Variants in GRIN2B observed in about 807,000 individuals in gnomAD.
The protein encoded by GRIN2B is glutamate receptor ionotropic, NMDA 2B.
In GRIN2B, 5 loss-of-function variants were observed where a neutral mutation model predicts 114.5. The observed-to-expected ratio is 0.04, with a 90% CI of 0.02 to 0.09. The LOEUF (loss-of-function observed/expected upper bound fraction) is 0.09. GRIN2B is among the 10% of genes least tolerant of loss of function. GRIN2B has a pLI of 1.00. For synonymous variants in GRIN2B, 787 were observed against 745.1 expected, an observed-to-expected ratio of 1.06 and a Z score of -0.92; for missense variants, 1,108 against 1,943.5, an observed-to-expected ratio of 0.57 and a Z score of 8.08.
At chr12:13,831,092 CCTTCCTG>C (rs1173178886) in intron 3 of GRIN2B, among the ~76,000 whole-genome samples, 1 of 152,146 alleles carries the variant, frequency 6.6e-6, no homozygotes, top group Non-Finnish European at 1.5e-5. Context: ...GAGTCTTGCA[CCTTCCTG>C]CTTCCGCTCT....
At chr12:13,854,761 A>G (rs992599510) in intron 3 of GRIN2B, among the ~76,000 whole-genome samples, 3 of 152,154 alleles carry the variant, frequency 2.0e-5, no homozygotes, top group African/African-American at 2.4e-5. Flanking sequence ...AGGTGAGTTC[A>G]AGATCATACT....
chr12:13,670,329 C>T (rs192822928), intron 5 of GRIN2B: 1 of 152,198 alleles, frequency 6.6e-6, no homozygotes, highest in East Asian at 1.9e-4. Flanking sequence ...TTATAAAACA[C>T]CCTCTTGTCT....
chr12:13,814,693 G>T (rs529719584), intron 3 of GRIN2B, among the ~76,000 whole-genome samples: 30 of 152,308 alleles, frequency 2.0e-4, no homozygotes, highest in African/African-American at 6.7e-4. Context: ...TTTTACATCT[G>T]TGCTGTCCAA....
chr12:13,584,602 T>C (rs920185652), intron 10 of GRIN2B, among the ~76,000 whole-genome samples: 1 of 152,250 alleles, frequency 6.6e-6, no homozygotes, highest in African/African-American at 2.4e-5. Flanking sequence ...GGAGTTAATG[T>C]GTCCTAATGC....
At chr12:13,691,465 G>A (rs1950214598) in intron 4 of GRIN2B, among the ~76,000 whole-genome samples, 1 of 152,150 alleles carries the variant, frequency 6.6e-6, no homozygotes, top group African/African-American at 2.4e-5. Flanking sequence ...AAGTTAATTT[G>A]ATTACCACTT....
intron 4 of GRIN2B, among the ~76,000 whole-genome samples, chr12:13,679,043 G>T (rs1950104046): frequency 6.6e-6 from 1 of 151,774 alleles, no homozygotes; most frequent in African/African-American, 2.4e-5. Flanking sequence ...AGGAAGGAAA[G>T]AAAGAGAGGA....
intron 4 of GRIN2B, among the ~76,000 whole-genome samples, chr12:13,703,634 T>C (rs1296412089): frequency 6.6e-6 from 1 of 152,192 alleles, no homozygotes; most frequent in South Asian, 2.1e-4. Context: ...ATTCATAATC[T>C]TTCATTGAAT....
rs538368236 is a variant in GRIN2B at position 13,764,393 on chromosome 12, C to T, written c.412-10478G>A. Among the ~76,000 whole-genome samples, 14 of 152,238 alleles carry T rather than the reference C, an allele frequency of 9.2e-5. No individual in the cohort carries two copies. The East Asian group carries it at 2.1e-3, about 23-fold the overall frequency. On this transcript the variant is annotated intron_variant, in intron 3 of 13. Transcript: ENST00000609686. Reference sequence around the variant, plus strand: ...CTGTGACCTCTTCCTTCTTTGCCTCCATTTTTACACAGTCCTAATTCCACA... The same window carrying T: ...CTGTGACCTCTTCCTTCTTTGCCTCTATTTTTACACAGTCCTAATTCCACA...
chr12:13,905,422 C>T (rs577294504), intron 2 of GRIN2B, among the ~76,000 whole-genome samples: 40 of 152,258 alleles, frequency 2.6e-4, no homozygotes, highest in Admixed American at 1.1e-3. Context: ...ATACTTTTTG[C>T]GCTTTCCTGG....
intron 2 of GRIN2B, among the ~76,000 whole-genome samples, chr12:13,898,911 AAATAAT>A (rs995762276): frequency 3.3e-5 from 5 of 152,224 alleles, no homozygotes; most frequent in African/African-American, 9.7e-5. Context: ...TCCGTCTCAA[AAATAAT>A]AATAATAGCA....
Position 13,549,780 on chromosome 12 carries a change from G to A in GRIN2B, c.*13003C>T, listed in dbSNP as rs1156565791. 1 of 152,056 alleles carries A rather than the reference G, an allele frequency of 6.6e-6. No individual in the cohort carries two copies. Among genetic ancestry groups the A allele is most frequent in the Non-Finnish European group, 1.5e-5 (1 of 67,996 alleles). The allele number at this position is 152,056 out of a possible 1,614,324, so 9.4% of individuals were successfully genotyped here. On this transcript the variant is annotated 3_prime_UTR_variant, in exon 14 of 14. Coordinates refer to ENST00000609686, the MANE Select transcript of GRIN2B (RefSeq NM_000834.5). ...TATTTGACCAAGTTTTCTTCACCGTGGAAACCTCTCTAACCTTTCTGATTT... is the reference window on the plus strand; with the variant it reads ...TATTTGACCAAGTTTTCTTCACCGTAGAAACCTCTCTAACCTTTCTGATTT...
At chr12:13,912,975 G>A (rs1197938252) in intron 2 of GRIN2B, among the ~76,000 whole-genome samples, 3 of 152,038 alleles carry the variant, frequency 2.0e-5, no homozygotes, top group African/African-American at 7.2e-5. Context: ...CAGTGGGTTT[G>A]GTAACTCCTC....
chr12:13,911,582 C>G (rs1866628178), intron 2 of GRIN2B, among the ~76,000 whole-genome samples: 2 of 152,156 alleles, frequency 1.3e-5, no homozygotes, highest in Admixed American at 6.5e-5. Context: ...CTGGTGGGTC[C>G]CTTTTCTTCT....
chr12:13,538,812 TAAAAAACAAACAAACAAAA>T lies in GRIN2B; in HGVS notation c.*23952_*23970del, dbSNP rs1948241711. ...CCTGGATGACAGAGCAAGACCCTCTTAAAAAACAAACAAACAAAAAAAAAACAAACAAAAAAACAAAAAC... is the reference window on the plus strand; with the variant it reads ...CCTGGATGACAGAGCAAGACCCTCTTAAAAAACAAACAAAAAAACAAAAAC... On this transcript the variant is annotated 3_prime_UTR_variant, in exon 14 of 14. Coordinates refer to ENST00000609686, the MANE Select transcript of GRIN2B (RefSeq NM_000834.5). 2 of 142,116 alleles carry T rather than the reference TAAAAAACAAACAAACAAAA, an allele frequency of 1.4e-5. No homozygotes were observed. Among genetic ancestry groups the T allele is most frequent in the African/African-American group, 2.6e-5 (1 of 38,788 alleles). The allele number at this position is 142,116 out of a possible 1,614,324, so 8.8% of individuals were successfully genotyped here. A position where few individuals can be genotyped will look rare whatever the true frequency, so the allele number is the denominator to read the frequency against.
At chr12:13,597,649 C>T (rs910521861) in intron 10 of GRIN2B, among the ~76,000 whole-genome samples, 1 of 152,200 alleles carries the variant, frequency 6.6e-6, no homozygotes, top group Admixed American at 6.5e-5. Context: ...CCTTGAGCCA[C>T]TTGCTTGGGC....
At chr12:13,903,917 A>G (rs1372278036) in intron 2 of GRIN2B, among the ~76,000 whole-genome samples, 1 of 152,022 alleles carries the variant, frequency 6.6e-6, no homozygotes, top group South Asian at 2.1e-4. Flanking sequence ...ATTATAATCT[A>G]AAATATTTAA....
intron 2 of GRIN2B, among the ~76,000 whole-genome samples, chr12:13,923,166 A>G (rs1866851764): frequency 6.6e-6 from 1 of 152,112 alleles, no homozygotes; most frequent in Non-Finnish European, 1.5e-5. Context: ...TACAGCTTCT[A>G]CTAAATCTAG....
Position 13,564,817 on chromosome 12 carries a change from G to A in GRIN2B, c.2599-178C>T, listed in dbSNP as rs559798848. On this transcript the variant is annotated intron_variant, in intron 13 of 13. Coordinates refer to ENST00000609686, the MANE Select transcript of GRIN2B (RefSeq NM_000834.5). This position sits in a 1 kb window ranked among gnomAD's most constrained non-coding sequence, Gnocchi z 4.8. ...TTGCCTAATTTATACCCCTAAATTT[G>A]GTGACTGTCATGTGGTGAGCTGAGG... is the stretch of plus-strand genomic sequence containing the variant. Among the ~76,000 whole-genome samples, 1 of 152,320 alleles carries A rather than the reference G, an allele frequency of 6.6e-6. No homozygotes were observed. The highest frequency in any genetic ancestry group is 6.5e-5 in the Admixed American group (1 of 15,302).
chr12:13,819,691 A>G lies in GRIN2B; in HGVS notation c.411+46107T>C, dbSNP rs530623345. Among the ~76,000 whole-genome samples the G allele has an allele frequency of 3.3e-4, 51 of 152,280 alleles. No individual in the cohort carries two copies. In the South Asian group the frequency reaches 0.01, roughly 30 times the overall value. ...CTTTTAAGATGAAATTAAGACTACAAACAGTTTTACAGCACTGTATGTCAG... is the reference window on the plus strand; with the variant it reads ...CTTTTAAGATGAAATTAAGACTACAGACAGTTTTACAGCACTGTATGTCAG... On this transcript the variant is annotated intron_variant, in intron 3 of 13. Transcript: ENST00000609686.
Sources: allele counts gnomAD v4.1 joint callset (sites outside exome capture counted in the v4.1 genomes callset), GRCh38; gene constraint gnomAD v4.1.1; non-coding constraint Gnocchi (gnomAD v3.1); transcripts MANE v1.5; gene names NCBI Gene and HGNC (gene_info 2026-07-23, HGNC 2026-07-21).